EPB41L4A: variants seen among roughly 807,000 people sequenced by gnomAD.
The protein encoded by EPB41L4A is band 4.1-like protein 4A.
In EPB41L4A, 100 loss-of-function variants were observed where a neutral mutation model predicts 108.6. The observed-to-expected ratio is 0.92, with a 90% CI of 0.78 to 1.09. The LOEUF (loss-of-function observed/expected upper bound fraction) is 1.09, where lower values mean the gene tolerates loss of function less well. Ranked by LOEUF, EPB41L4A falls within the 50% of genes least tolerant of loss-of-function variation. The pLI is 0.00. For missense variants in EPB41L4A, 1,030 were observed against 842.7 expected (o/e 1.22, Z -2.75); for synonymous variants, 319 against 289.0 (o/e 1.10, Z -1.05).
chr5:112,265,846 C>T lies in EPB41L4A; in HGVS notation c.433+387G>A, dbSNP rs565230685. ...CCACATGCGGAACCTAGCAATAGCACCTGGCCATGCAGACTCTTCACAACA... is the reference window on the plus strand; with the variant it reads ...CCACATGCGGAACCTAGCAATAGCATCTGGCCATGCAGACTCTTCACAACA... On this transcript the variant is annotated intron_variant, in intron 5 of 22. Transcript: ENST00000261486. 3.9e-5 allele frequency among the ~76,000 whole-genome samples: 6 copies of T among 152,312 alleles called. No individual in the cohort carries two copies. In the South Asian group the frequency reaches 1.2e-3, roughly 32 times the overall value.
chr5:112,195,580 C>A (rs546808003), intron 16 of EPB41L4A, 81 bp downstream of exon 16: 1 of 1,197,018 alleles, frequency 8.4e-7, no homozygotes, highest in Non-Finnish European at 1.2e-6. Context: ...ATAATGCCCC[C>A]GCTCTTTCCT....
intron 17 of EPB41L4A, among the ~76,000 whole-genome samples, chr5:112,191,436 T>C (rs1580399853): frequency 6.6e-6 from 1 of 152,278 alleles, no homozygotes; most frequent in East Asian, 1.9e-4. Context: ...CCAGAGCTGG[T>C]GTGGATTATT....
At chr5:112,170,865 C>CTCAG in intron 19 of EPB41L4A, 80 bp downstream of exon 19, 1 of 1,300,974 alleles carries the variant, frequency 7.7e-7, no homozygotes, top group Non-Finnish European at 1.1e-6. Context: ...GAAGTTGCCT[C>CTCAG]TCAGTATCAG....
At chr5:112,379,806 A>T (rs1281321834) in intron 1 of EPB41L4A, among the ~76,000 whole-genome samples, 1 of 152,236 alleles carries the variant, frequency 6.6e-6, no homozygotes, top group East Asian at 1.9e-4. Context: ...ACAACTGCTT[A>T]ATGGAACATG....
intron 18 of EPB41L4A, 38 bp from the exon 19 acceptor site, chr5:112,171,030 T>C: frequency 6.4e-7 from 1 of 1,562,740 alleles, no homozygotes; most frequent in Non-Finnish European, 8.8e-7. Context: ...TCTGCAAACA[T>C]GCTTCATCTC....
At chr5:112,274,793 C>T (rs1320645923) in intron 4 of EPB41L4A, among the ~76,000 whole-genome samples, 1 of 152,124 alleles carries the variant, frequency 6.6e-6, no homozygotes, top group Non-Finnish European at 1.5e-5. Flanking sequence ...TTCTGTCTTA[C>T]TAATATCAAA....
intron 2 of EPB41L4A, among the ~76,000 whole-genome samples, chr5:112,292,520 C>G (rs972347641): frequency 2.0e-5 from 3 of 152,110 alleles, no homozygotes; most frequent in African/African-American, 7.2e-5. Flanking sequence ...AAAAAAGCAC[C>G]TGCACAGCTT....
At chr5:112,281,130 A>G (rs1454496595) in intron 2 of EPB41L4A, among the ~76,000 whole-genome samples, 1 of 152,182 alleles carries the variant, frequency 6.6e-6, no homozygotes, top group African/African-American at 2.4e-5. Context: ...TGCAGATTAA[A>G]TAAGTTAATC....
rs542158683 is a variant in EPB41L4A, at chr5:112,381,195, G to A, written c.99+37746C>T. On this transcript the variant is annotated intron_variant, in intron 1 of 22. Coordinates refer to ENST00000261486, the MANE Select transcript of EPB41L4A (RefSeq NM_022140.5). The stretch of plus-strand genomic sequence containing the variant: ...GTTTCCTCAGATATACTCAAGTCTG[G>A]TCAGGTTTTTAAATCAAATGAGATA... Among the ~76,000 whole-genome samples, 8 of 152,268 alleles carry A rather than the reference G, an allele frequency of 5.3e-5. No homozygotes were observed. The East Asian group carries it at 1.5e-3, about 29-fold the overall frequency.
chr5:112,262,803 C>A (rs1207323865), intron 6 of EPB41L4A, among the ~76,000 whole-genome samples: 1 of 152,192 alleles, frequency 6.6e-6, no homozygotes, highest in Non-Finnish European at 1.5e-5. Context: ...CATTCTGGCT[C>A]ATTATAGCCT....
intron 9 of EPB41L4A, among the ~76,000 whole-genome samples, chr5:112,248,564 C>T (rs1409425653): frequency 6.6e-6 from 1 of 152,138 alleles, no homozygotes; most frequent in Admixed American, 6.6e-5. Flanking sequence ...ATTACTGCTC[C>T]ATGGGTCTCT....
rs141247946 is a variant in EPB41L4A at position 112,329,607 on chromosome 5, G to A, written c.100-22117C>T. 1.3e-3 allele frequency among the ~76,000 whole-genome samples: 193 copies of A among 152,188 alleles called. 1 individual carries two copies. Among genetic ancestry groups the A allele is most frequent in the Middle Eastern group, 3.4e-3 (1 of 294 alleles). On this transcript the variant is annotated intron_variant, in intron 1 of 22. Coordinates refer to ENST00000261486, the MANE Select transcript of EPB41L4A (RefSeq NM_022140.5). ...TGAGACTCCACATTTCCTGCCTTCC[G>A]GTTCATGGCTCGTTTCACTGCACTA...
At chr5:112,308,776 T>C (rs1754852922) in intron 1 of EPB41L4A, among the ~76,000 whole-genome samples, 1 of 152,198 alleles carries the variant, frequency 6.6e-6, no homozygotes, top group South Asian at 2.1e-4. Context: ...TGTATACTCA[T>C]AATTACAGTG....
rs773664218 is a variant in EPB41L4A, at chr5:112,213,341, GT to G, written c.1088-3360del. ...CTACTGTTCACTGTTAACATGTACAGTTTTTTTTTTTGTTTTTTTTTTTTTA... is the reference window on the plus strand; with the variant it reads ...CTACTGTTCACTGTTAACATGTACAGTTTTTTTTTTGTTTTTTTTTTTTTA... On this transcript the variant is annotated intron_variant, in intron 12 of 22. Transcript: ENST00000261486. 8.0e-3 allele frequency among the ~76,000 whole-genome samples: 832 copies of G among 104,322 alleles called. 21 individuals carry two copies. In the South Asian group the frequency reaches 0.11, roughly 14 times the overall value. The allele number at this position is 104,322 out of a possible 152,430, so 68.4% of individuals were successfully genotyped here. A position where few individuals can be genotyped will look rare whatever the true frequency, so the allele number is the denominator to read the frequency against.
At chr5:112,408,050 T>C (rs2112792011) in intron 1 of EPB41L4A, among the ~76,000 whole-genome samples, 1 of 152,330 alleles carries the variant, frequency 6.6e-6, no homozygotes, top group South Asian at 2.1e-4. Flanking sequence ...ACAAGATGCA[T>C]AAAGATAGTC....
intron 18 of EPB41L4A, among the ~76,000 whole-genome samples, chr5:112,172,586 G>A (rs1241398160): frequency 6.6e-6 from 1 of 151,680 alleles, no homozygotes; most frequent in Non-Finnish European, 1.5e-5. Flanking sequence ...TATGTATTCT[G>A]CCTTTCCTAC....
At chr5:112,400,125 T>C (rs184542869) in intron 1 of EPB41L4A, among the ~76,000 whole-genome samples, 3 of 152,232 alleles carry the variant, frequency 2.0e-5, no homozygotes, top group East Asian at 1.9e-4. Context: ...AGGAAACTTA[T>C]GATCATGGCC....
At chr5:112,222,912 A>G (rs142047469) in intron 12 of EPB41L4A, among the ~76,000 whole-genome samples, 2 of 150,828 alleles carry the variant, frequency 1.3e-5, no homozygotes, top group African/African-American at 4.9e-5. Context: ...CCAAGGGCCA[A>G]GCAGGGCACC....
At chr5:112,295,514 C>A (rs1753931832) in intron 2 of EPB41L4A, among the ~76,000 whole-genome samples, 1 of 152,202 alleles carries the variant, frequency 6.6e-6, no homozygotes, top group African/African-American at 2.4e-5. Flanking sequence ...CTGCACTCTC[C>A]TTTCAAAATT....
Sources: allele counts gnomAD v4.1 joint callset (sites outside exome capture counted in the v4.1 genomes callset), GRCh38; gene constraint gnomAD v4.1.1; transcripts MANE v1.5; gene names NCBI Gene and HGNC (gene_info 2026-07-23, HGNC 2026-07-21).